The following NUDT14 variants were observed in gnomAD, a reference collection of about 807,000 sequenced individuals.
NUDT14 encodes uridine diphosphate glucose pyrophosphatase NUDT14.
Under a neutral mutation model 17.5 loss-of-function variants are expected in NUDT14, and 22 were observed. The ratio of observed to expected loss-of-function variants is 1.26; its 90% confidence interval spans 0.90 to 1.80. The LOEUF (loss-of-function observed/expected upper bound fraction) is 1.80. NUDT14 is among the 40% of genes most tolerant of loss of function. The pLI is 0.00. For missense variants in NUDT14, 296 were observed against 295.6 expected (o/e 1.00, Z -0.01); for synonymous variants, 129 against 125.8 (o/e 1.03, Z -0.17).
intron 4 of NUDT14, among the ~76,000 whole-genome samples, chr14:105,174,056 C>T (rs1387861970): frequency 2.0e-5 from 3 of 152,044 alleles, no homozygotes; most frequent in African/African-American, 7.2e-5. Flanking sequence ...ACTGACCGCC[C>T]CCCCACCCCC....
At chr14:105,178,193 G>A (rs587611026) in intron 1 of NUDT14, among the ~76,000 whole-genome samples, 5 of 152,188 alleles carry the variant, frequency 3.3e-5, no homozygotes, top group Admixed American at 6.5e-5. Flanking sequence ...AGGTGGAGAC[G>A]GGAGGGCAGG....
chr14:105,178,866 G>T (rs888569952), intron 1 of NUDT14, among the ~76,000 whole-genome samples: 2 of 152,196 alleles, frequency 1.3e-5, no homozygotes, highest in Non-Finnish European at 2.9e-5. Context: ...GGAGGCAAAG[G>T]CGTCCTGGGA....
rs151026372 is a variant in NUDT14 at position 105,176,479 on chromosome 14, ACT to A, written c.428+53_428+54del. ...GCACACTCCCAGGGACGGGGCCCTC[ACT>A]CTCTCCCATCTCCTGAGTCACACCA... On this transcript the variant is annotated intron_variant, in intron 4 of 4. Coordinates refer to ENST00000392568, the MANE Select transcript of NUDT14 (RefSeq NM_177533.5). 7.3e-4 allele frequency: 1,019 copies of A among 1,393,324 alleles called. 7 individuals carry two copies. In the African/African-American group the frequency reaches 0.013, roughly 18 times the overall value. 86.3% of individuals were successfully genotyped at this position (1,393,324 alleles called of 1,614,324 possible).
At chr14:105,176,247 C>A (rs1595199487) in intron 4 of NUDT14, among the ~76,000 whole-genome samples, 1 of 152,308 alleles carries the variant, frequency 6.6e-6, no homozygotes, top group Non-Finnish European at 1.5e-5. Context: ...GGTCTTAATC[C>A]TACAGGAAGT....
chr14:105,180,106 C>T (rs1164124797), intron 1 of NUDT14, among the ~76,000 whole-genome samples: 1 of 152,314 alleles, frequency 6.6e-6, no homozygotes, highest in African/African-American at 2.4e-5. Flanking sequence ...CCTAACTGGA[C>T]AGGGCTGGGC....
Position 105,176,861 on chromosome 14 carries a change from G to C in NUDT14, c.191-90C>G, listed in dbSNP as rs150557838. On this transcript the variant is annotated intron_variant, in intron 3 of 4. Transcript: ENST00000392568. ...AGCCAAGCCCCCTCCCAGGGCCTCA[G>C]CTTCCCCTGGAGCCCCCTCCCACAT... The C allele has an allele frequency of 6.9e-4, 1,070 of 1,553,146 alleles. 8 individuals are homozygous for C. The African/African-American group carries it at 0.013, about 19-fold the overall frequency.
intron 3 of NUDT14, 65 bp downstream of exon 3, chr14:105,176,897 AC>A (rs1889226189): frequency 6.4e-7 from 1 of 1,569,332 alleles, no homozygotes; most frequent in Admixed American, 1.7e-5. Context: ...CTGTATTCAG[AC>A]CCTCAGGACC....
Position 105,181,100 on chromosome 14 carries a change from G to GCGCGGGGGA in NUDT14, c.81+20_81+28dup, listed in dbSNP as rs1889317650. 3 of 850,856 alleles carry GCGCGGGGGA rather than the reference G, an allele frequency of 3.5e-6. No homozygotes were observed. Among genetic ancestry groups the GCGCGGGGGA allele is most frequent in the Non-Finnish European group, 4.3e-6 (3 of 692,646 alleles). The allele number at this position is 850,856 out of a possible 1,614,324, so 52.7% of individuals were successfully genotyped here. ...GTCGTGGGCCGGGCCGCCGGCGGGG[G>GCGCGGGGGA]CGCGGGGGACGCGGGGGCGCGGGCT... is the stretch of plus-strand genomic sequence containing the variant. On this transcript the variant is annotated intron_variant, in intron 1 of 4. Coordinates refer to ENST00000392568, the MANE Select transcript of NUDT14 (RefSeq NM_177533.5). This position sits in a 1 kb window ranked among gnomAD's most constrained non-coding sequence, Gnocchi z 5.0.
chr14:105,177,443 C>A, intron 2 of NUDT14: 1 of 564,876 alleles, frequency 1.8e-6, no homozygotes, highest in Non-Finnish European at 3.2e-6. Context: ...CAGCCTCTCC[C>A]TGCCCTGAGA....
At chr14:105,177,094 T>C in intron 2 of NUDT14, 67 bp from the exon 3 acceptor site, 1 of 1,483,402 alleles carries the variant, frequency 6.7e-7, no homozygotes, top group Non-Finnish European at 9.3e-7. Flanking sequence ...CCACCTCCCA[T>C]CTTTCTGTTC....
At chr14:105,176,061 C>A (rs913444669) in intron 4 of NUDT14, 2 of 1,156,608 alleles carry the variant, frequency 1.7e-6, no homozygotes, top group African/African-American at 1.6e-5. Flanking sequence ...GCAGCCCTCG[C>A]GGGGCAAGAG....
At chr14:105,179,791 G>A (rs980700385) in intron 1 of NUDT14, among the ~76,000 whole-genome samples, 6 of 152,222 alleles carry the variant, frequency 3.9e-5, no homozygotes, top group Admixed American at 1.3e-4. Flanking sequence ...GTCCTCCAGC[G>A]CCAACAGGAC....
intron 1 of NUDT14, among the ~76,000 whole-genome samples, chr14:105,178,083 C>T (rs986863241): frequency 2.0e-5 from 3 of 152,028 alleles, no homozygotes; most frequent in African/African-American, 4.8e-5. Context: ...CATGGAGGCT[C>T]GGGGAGGGCA....
rs1193363338 is a variant in NUDT14, at chr14:105,173,332, C to T, written c.429-71G>A. 3 of 1,409,568 alleles carry T rather than the reference C, an allele frequency of 2.1e-6. No individual in the cohort carries two copies. The highest frequency in any genetic ancestry group is 1.5e-5 in the African/African-American group (1 of 68,286). 87.3% of individuals were successfully genotyped at this position (1,409,568 alleles called of 1,614,324 possible). ...CTGGCCCCCTGGCCCTTCTACCACC[C>T]TCCAACCCACCCTCTCCACTCTGCT... On this transcript the variant is annotated intron_variant, in intron 4 of 4. Coordinates refer to ENST00000392568, the MANE Select transcript of NUDT14 (RefSeq NM_177533.5). The surrounding 1 kb of genome is among the most constrained non-coding windows in gnomAD (Gnocchi z 4.7).
At chr14:105,176,799 C>G (rs765016437) in intron 3 of NUDT14, 28 bp from the exon 4 acceptor site, 1 of 1,604,676 alleles carries the variant, frequency 6.2e-7, no homozygotes, top group East Asian at 2.2e-5. Context: ...AGACTGTGCT[C>G]ACAGCCACGT....
At chr14:105,180,098 T>TA (rs1889294768) in intron 1 of NUDT14, among the ~76,000 whole-genome samples, 1 of 152,152 alleles carries the variant, frequency 6.6e-6, no homozygotes, top group Non-Finnish European at 1.5e-5. Context: ...GGTGGGGCCC[T>TA]AACTGGACAG....
At chr14:105,175,988 C>T in intron 4 of NUDT14, 5 of 1,271,894 alleles carry the variant, frequency 3.9e-6, no homozygotes, top group Non-Finnish European at 5.1e-6. Flanking sequence ...CGTAGCGTCC[C>T]TGGGGAAGTG....
chr14:105,181,093 GGCGGGGGCGCGGGGGAC>G lies in NUDT14; in HGVS notation c.81+19_81+35del, dbSNP rs887119712. ...GGCGCGGGTCGTGGGCCGGGCCGCCGGCGGGGGCGCGGGGGACGCGGGGGCGCGGGCTCACCTGGCGG... is the reference window on the plus strand; with the variant it reads ...GGCGCGGGTCGTGGGCCGGGCCGCCGGCGGGGGCGCGGGCTCACCTGGCGG... On this transcript the variant is annotated intron_variant, in intron 1 of 4. Coordinates refer to ENST00000392568, the MANE Select transcript of NUDT14 (RefSeq NM_177533.5). This position sits in a 1 kb window ranked among gnomAD's most constrained non-coding sequence, Gnocchi z 5.0. The G allele has an allele frequency of 4.2e-5, 33 of 784,336 alleles. No homozygotes were observed. Among genetic ancestry groups the G allele is most frequent in the African/African-American group, 5.7e-5 (3 of 53,008 alleles). The allele number at this position is 784,336 out of a possible 1,614,324, so 48.6% of individuals were successfully genotyped here.
At chr14:105,174,731 C>T (rs1467357316) in intron 4 of NUDT14, among the ~76,000 whole-genome samples, 1 of 152,116 alleles carries the variant, frequency 6.6e-6, no homozygotes, top group Non-Finnish European at 1.5e-5. Flanking sequence ...GCCCTTGGCC[C>T]GGGCTGAGAG....
Sources: allele counts gnomAD v4.1 joint callset (sites outside exome capture counted in the v4.1 genomes callset), GRCh38; gene constraint gnomAD v4.1.1; non-coding constraint Gnocchi (gnomAD v3.1); transcripts MANE v1.5; gene names NCBI Gene and HGNC (gene_info 2026-07-23, HGNC 2026-07-21).